Variants in CCNB3 observed in about 807,000 individuals in gnomAD.
The protein encoded by CCNB3 is G2/mitotic-specific cyclin-B3.
Under a neutral mutation model 68.0 loss-of-function variants are expected in CCNB3, and 12 were observed. The ratio of observed to expected loss-of-function variants is 0.18; its 90% CI spans 0.11 to 0.29. The LOEUF is 0.29. CCNB3 is among the 10% of genes least tolerant of loss of function. The pLI is 1.00. For missense variants in CCNB3, 904 were observed against 993.1 expected, an observed-to-expected ratio of 0.91 and a Z score of 1.21; for synonymous variants, 354 against 388.9, an observed-to-expected ratio of 0.91 and a Z score of 1.06.
At chrX:50,214,612 G>A (rs1935538040) in intron 1 of CCNB3, among the ~76,000 whole-genome samples, 1 of 93,580 alleles carries the variant, frequency 1.1e-5, no homozygotes, top group Non-Finnish European at 2.1e-5. Context: ...TTATTAAATA[G>A]TATATAATAT....
intron 8 of CCNB3, among the ~76,000 whole-genome samples, chrX:50,319,579 C>T (rs1468670749): frequency 9.0e-6 from 1 of 110,851 alleles, no homozygotes; most frequent in Non-Finnish European, 1.9e-5. Flanking sequence ...TTCTTCCTTT[C>T]TAATCTCCAT....
intron 1 of CCNB3, among the ~76,000 whole-genome samples, chrX:50,211,082 GCAATACCCTGT>G (rs1374451592): frequency 5.4e-5 from 6 of 110,423 alleles, no homozygotes; most frequent in Non-Finnish European, 9.5e-5. Flanking sequence ...GGCCAATATG[GCAATACCCTGT>G]CTCTACTAAA....
chrX:50,323,131 G>A (rs1294740059), intron 8 of CCNB3, among the ~76,000 whole-genome samples: 14 of 111,724 alleles, frequency 1.3e-4, no homozygotes, highest in Admixed American at 3.8e-4. Flanking sequence ...TATGTTTATT[G>A]CAGCACTATT....
chrX:50,289,991 A>C (rs1385740596), intron 4 of CCNB3, among the ~76,000 whole-genome samples: 3 of 111,907 alleles, frequency 2.7e-5, no homozygotes, highest in Admixed American at 9.5e-5. Context: ...TTTCAGATTT[A>C]CTATCAATTG....
chrX:50,296,035 G>C (rs1201046525), intron 5 of CCNB3, among the ~76,000 whole-genome samples: 1 of 111,558 alleles, frequency 9.0e-6, no homozygotes, highest in Admixed American at 9.5e-5. Flanking sequence ...GAATTCTGGA[G>C]TTTGCATGCA....
intron 8 of CCNB3, among the ~76,000 whole-genome samples, chrX:50,338,936 ATCC>A: frequency 8.9e-6 from 1 of 112,077 alleles, no homozygotes; most frequent in Non-Finnish European, 1.9e-5. Flanking sequence ...AAATGTTTCT[ATCC>A]TCTGCCCATT....
chrX:50,312,689 C>T, intron 7 of CCNB3, 57 bp downstream of exon 7: 1 of 803,211 alleles, frequency 1.2e-6, no homozygotes. Flanking sequence ...TTCATCATTC[C>T]ATCCTTCAGT....
rs1557214953 is a variant in CCNB3, at chrX:50,311,326, A to G, written c.3157A>G (p.Ile1053Val). The G allele has an allele frequency of 1.7e-6, 2 of 1,206,598 alleles. No homozygotes were observed. The highest frequency in any genetic ancestry group is 3.0e-5 in the East Asian group (1 of 33,609). ...TCTGGAAACATTCTTGATCCCCCAAATTGGAACCAGCCCATATGTGTTTAG... is the reference window on the plus strand; with the variant it reads ...TCTGGAAACATTCTTGATCCCCCAAGTTGGAACCAGCCCATATGTGTTTAG... ...TFLETFLIPQ[I>V]GTSPYVFSTT... The change falls in exon 6 of 13, where the codon ATT (isoleucine) becomes GTT (valine). Residue 1053 changes from isoleucine to valine, a missense_variant. Around this residue, in one of 2 missense-constraint regions of CCNB3, gnomAD observed 285 missense variants for 383.4 expected, o/e 0.74. Coordinates refer to ENST00000376042, the MANE Select transcript of CCNB3 (RefSeq NM_033031.3).
At chrX:50,203,187 G>A (rs782398101), upstream of CCNB3, among the ~76,000 whole-genome samples, 3 of 111,440 alleles carry the variant, frequency 2.7e-5, no homozygotes, top group Admixed American at 9.5e-5. Context: ...ACAAACTTGT[G>A]AATAAGAGTG....
chrX:50,299,343 C>T (rs1325195978), intron 5 of CCNB3, among the ~76,000 whole-genome samples: 16 of 111,405 alleles, frequency 1.4e-4, no homozygotes, highest in Admixed American at 1.2e-3. Context: ...TCTTTGTTCT[C>T]GTTGGTTTCA....
Position 50,347,661 on chromosome X carries a change from C to T in CCNB3, c.3846C>T (p.Ser1282=). 8.3e-7 allele frequency: 1 copy of T among 1,210,286 alleles called. No homozygotes were observed. The highest frequency in any genetic ancestry group is 1.1e-6 in the Non-Finnish European group (1 of 894,946). Residue 1282 remains serine, a synonymous_variant, in exon 11 of 13, where the codon TCC becomes TCT. Transcript: ENST00000376042. ...IHTNMKTLTL[S]RYICEMTLQE... Reference sequence around the variant, plus strand: ...CCAACATGAAGACACTGACCTTGTCCCGCTACATCTGCGAGATGACCCTGC... The same window carrying T: ...CCAACATGAAGACACTGACCTTGTCTCGCTACATCTGCGAGATGACCCTGC...
At chrX:50,212,151 T>C (rs1935493809) in intron 1 of CCNB3, among the ~76,000 whole-genome samples, 1 of 112,403 alleles carries the variant, frequency 8.9e-6, no homozygotes. Context: ...TTTGTTTCAT[T>C]ATGAGCTTTA....
rs1267924421 is a variant in CCNB3 at position 50,228,784 on chromosome X, AAT to A, written c.-113+23844_-113+23845del. On this transcript the variant is annotated intron_variant, in intron 1 of 12. Transcript: ENST00000376042. The stretch of plus-strand genomic sequence containing the variant: ...ATATATATATAGAATACATATATAG[AAT>A]ATATATATAGAATAGATATATAGAA... Among the ~76,000 whole-genome samples the A allele has an allele frequency of 4.0e-3, 284 of 71,625 alleles. 3 individuals are homozygous for A. Among genetic ancestry groups the A allele is most frequent in the African/African-American group, 0.016 (275 of 17,665 alleles). The allele number at this position is 71,625 out of a possible 115,157, so 62.2% of individuals were successfully genotyped here. A position where few individuals can be genotyped will look rare whatever the true frequency, so the allele number is the denominator to read the frequency against.
At chrX:50,347,060 C>G (rs1471134713) in intron 10 of CCNB3, among the ~76,000 whole-genome samples, 1 of 110,652 alleles carries the variant, frequency 9.0e-6, no homozygotes, top group Non-Finnish European at 1.9e-5. Flanking sequence ...GGAGGAGAAA[C>G]GTTTCTTTTA....
rs1202425372 is a variant in CCNB3 at position 50,279,862 on chromosome X, CTATA to C, written c.-112-4675_-112-4672del. Among the ~76,000 whole-genome samples, 3 of 79,723 alleles carry C rather than the reference CTATA, an allele frequency of 3.8e-5. No homozygotes were observed. The South Asian group carries it at 1.7e-3, about 45-fold the overall frequency. The allele number at this position is 79,723 out of a possible 115,157, so 69.2% of individuals were successfully genotyped here. ...ACTTTATAAATATAAAATATATATACTATATATAAAATATATATAGTATATATAA... is the reference window on the plus strand; with the variant it reads ...ACTTTATAAATATAAAATATATATACTATAAAATATATATAGTATATATAA... On this transcript the variant is annotated intron_variant, in intron 1 of 12. Transcript: ENST00000376042.
At chrX:50,293,163 G>T (rs1936379335) in intron 4 of CCNB3, among the ~76,000 whole-genome samples, 1 of 111,839 alleles carries the variant, frequency 8.9e-6, no homozygotes, top group Non-Finnish European at 1.9e-5. Context: ...GTGCATAGAG[G>T]TGTTTATAGT....
intron 5 of CCNB3, among the ~76,000 whole-genome samples, chrX:50,297,448 GGT>G (rs1491114586): frequency 9.0e-6 from 1 of 111,396 alleles, no homozygotes; most frequent in Non-Finnish European, 1.9e-5. Flanking sequence ...GTTGATGTGT[GGT>G]ATTATTTCTG....
chrX:50,212,278 A>C (rs1392682122), intron 1 of CCNB3, among the ~76,000 whole-genome samples: 1 of 111,739 alleles, frequency 8.9e-6, no homozygotes, highest in Non-Finnish European at 1.9e-5. Context: ...ATATTTACAT[A>C]ATTGAAAATA....
chrX:50,312,676 T>A, intron 7 of CCNB3, 44 bp downstream of exon 7: 1 of 869,958 alleles, frequency 1.1e-6, no homozygotes, highest in Middle Eastern at 2.8e-4. Flanking sequence ...TAGTTTTCAT[T>A]TCTTCATCAT....
Sources: gnomAD v4.1 joint callset for allele counts (sites outside exome capture counted in the v4.1 genomes callset) on GRCh38, gnomAD v4.1.1 for gene constraint, gnomAD v4.1.1 regional missense constraint, MANE v1.5 for transcripts, NCBI Gene and HGNC (gene_info 2026-07-23, HGNC 2026-07-21) for gene names.